Variants in SNX25 observed in about 807,000 individuals in gnomAD.
SNX25 encodes the protein sorting nexin-25.
SNX25 carries 62 observed loss-of-function variants against 113.7 expected under a neutral mutation model. The observed-to-expected ratio is 0.55, with a 90% CI of 0.44 to 0.67. The LOEUF is 0.67. Among genes scored for constraint, SNX25 ranks in the 30% least tolerant of loss-of-function variants. SNX25 has a pLI of 0.00. For missense variants in SNX25, 1,014 were observed against 1,161.0 expected, an observed-to-expected ratio of 0.87 and a Z score of 1.84; for synonymous variants, 421 against 436.2, an observed-to-expected ratio of 0.97 and a Z score of 0.43.
downstream of SNX25, among the ~76,000 whole-genome samples, chr4:185,371,519 GCA>G (rs1561076261): frequency 6.8e-6 from 1 of 147,252 alleles, no homozygotes; most frequent in Non-Finnish European, 1.5e-5. Context: ...TCCAGCCTGG[GCA>G]ACAGAGCGAG....
chr4:185,329,804 A>G (rs1347843452), intron 9 of SNX25, among the ~76,000 whole-genome samples: 1 of 152,106 alleles, frequency 6.6e-6, no homozygotes, highest in African/African-American at 2.4e-5. Flanking sequence ...TTAAGAACCC[A>G]CCTGTGAGTA....
chr4:185,239,333 A>G (rs1743201651), intron 1 of SNX25, among the ~76,000 whole-genome samples: 1 of 151,982 alleles, frequency 6.6e-6, no homozygotes, highest in South Asian at 2.1e-4. Flanking sequence ...AATGCAAAAA[A>G]TTAGCCGGGC....
chr4:185,365,004 G>T (rs2095381172), downstream of SNX25: 1 of 135,150 alleles, frequency 7.4e-6, no homozygotes, highest in African/African-American at 3.2e-5. Context: ...TAGAGAAGGA[G>T]TGTGTGTGTG....
At chr4:185,365,017 TA>T (rs2095381333), downstream of SNX25, 1 of 130,780 alleles carries the variant, frequency 7.6e-6, no homozygotes, top group Non-Finnish European at 1.6e-5. Context: ...TGTGTGTGTG[TA>T]TGTGTGTGTG....
chr4:185,299,696 T>C (rs1286395053), intron 6 of SNX25, among the ~76,000 whole-genome samples: 5 of 152,210 alleles, frequency 3.3e-5, no homozygotes, highest in African/African-American at 1.2e-4. Flanking sequence ...TAAAATAAGC[T>C]GGCCAAGTGT....
At position 185,249,755 on chromosome 4, in the gene SNX25, T is replaced by A. The variant is rs150891032; in HGVS notation, c.514+2377T>A. Among the ~76,000 whole-genome samples the A allele has an allele frequency of 3.3e-4, 50 of 152,322 alleles. No homozygotes were observed. The East Asian group carries it at 3.9e-3, about 12-fold the overall frequency. On this transcript the variant is annotated intron_variant, in intron 2 of 18. Coordinates refer to ENST00000652585, the MANE Select transcript of SNX25 (RefSeq NM_001378034.2). The stretch of plus-strand genomic sequence containing the variant: ...AAATTTTTATTGCACACTTTGTGCT[T>A]TTCATGTGTAGAATTTCCATTTGGT...
intron 9 of SNX25, among the ~76,000 whole-genome samples, chr4:185,331,674 G>A (rs965119208): frequency 6.6e-6 from 1 of 151,968 alleles, no homozygotes; most frequent in Non-Finnish European, 1.5e-5. Flanking sequence ...CCAGCTACTC[G>A]GGAGGCTGAG....
intron 1 of SNX25, among the ~76,000 whole-genome samples, chr4:185,216,313 G>A (rs1039255923): frequency 7.2e-5 from 11 of 152,006 alleles, no homozygotes; most frequent in Non-Finnish European, 1.6e-4. Flanking sequence ...ATATTGGTAT[G>A]TGAACAGTGA....
In SNX25 at chr4:185,362,610, G is replaced by T. The variant is rs984604028; in HGVS notation, c.2834-1G>T. 2 of 1,613,738 alleles carry T rather than the reference G, an allele frequency of 1.2e-6. No individual in the cohort carries two copies. Among genetic ancestry groups the T allele is most frequent in the Non-Finnish European group, 8.5e-7 (1 of 1,179,786 alleles). ...CATAGAATCTACACTTAATTTTTCAGATATGCTTCAGAGCCTTGTTGGACA... is the reference window on the plus strand; with the variant it reads ...CATAGAATCTACACTTAATTTTTCATATATGCTTCAGAGCCTTGTTGGACA... On this transcript the variant is annotated splice_acceptor_variant, in intron 17 of 18. Coordinates refer to ENST00000652585, the MANE Select transcript of SNX25 (RefSeq NM_001378034.2). LOFTEE classifies it high-confidence loss of function.
At chr4:185,340,758 A>C (rs1157946080) in intron 11 of SNX25, among the ~76,000 whole-genome samples, 2 of 152,156 alleles carry the variant, frequency 1.3e-5, no homozygotes, top group Admixed American at 1.3e-4. Flanking sequence ...GGAAGGAAGG[A>C]GTGGAAACCA....
At chr4:185,370,825 G>T (rs2095412288), downstream of SNX25, 1 of 1,613,608 alleles carries the variant, frequency 6.2e-7, no homozygotes, top group African/African-American at 1.3e-5. Flanking sequence ...CTGAGAGGAT[G>T]TAGAGTTGTG....
intron 12 of SNX25, among the ~76,000 whole-genome samples, chr4:185,344,016 C>T (rs913726080): frequency 1.3e-5 from 2 of 152,014 alleles, no homozygotes; most frequent in African/African-American, 4.8e-5. Context: ...GTCAGGAGTT[C>T]GAGACCAGCC....
chr4:185,252,181 A>G lies in SNX25; in HGVS notation c.514+4803A>G, dbSNP rs1309531429. On this transcript the variant is annotated intron_variant, in intron 2 of 18. Coordinates refer to ENST00000652585, the MANE Select transcript of SNX25 (RefSeq NM_001378034.2). Reference sequence around the variant, plus strand: ...CAATAACAACAACAAACAAAACTAGAATCACCTTCCAAGAAAAATTTGACC... The same window carrying G: ...CAATAACAACAACAAACAAAACTAGGATCACCTTCCAAGAAAAATTTGACC... Among the ~76,000 whole-genome samples, 3 of 152,180 alleles carry G rather than the reference A, an allele frequency of 2.0e-5. No homozygotes were observed. In the South Asian group the frequency reaches 6.2e-4, roughly 31 times the overall value.
chr4:185,374,420 T>C, downstream of SNX25: 1 of 1,614,116 alleles, frequency 6.2e-7, no homozygotes, highest in Non-Finnish European at 8.5e-7. Context: ...CTTTGGGACA[T>C]GGAGAATCAA....
At chr4:185,293,247 A>G (rs1752424415) in intron 6 of SNX25, among the ~76,000 whole-genome samples, 1 of 152,238 alleles carries the variant, frequency 6.6e-6, no homozygotes, top group Non-Finnish European at 1.5e-5. Flanking sequence ...AATTTTAAAC[A>G]TAGAATTACC....
At chr4:185,303,658 CA>C (rs34378168) in intron 6 of SNX25, among the ~76,000 whole-genome samples, 2,004 of 50,926 alleles carry the variant, frequency 0.039, 7 homozygotes, top group African/African-American at 0.052. Flanking sequence ...GACTCTGTCT[CA>C]AAAAAAAAAA....
downstream of SNX25, chr4:185,367,314 T>C: frequency 7.1e-7 from 1 of 1,409,720 alleles, no homozygotes; most frequent in Non-Finnish European, 9.8e-7. Flanking sequence ...TTTTTTTTTT[T>C]TTCTTTTTTG....
chr4:185,317,347 A>G (rs2095082605), intron 7 of SNX25, among the ~76,000 whole-genome samples: 1 of 152,250 alleles, frequency 6.6e-6, no homozygotes, highest in Non-Finnish European at 1.5e-5. Flanking sequence ...CTGTGGAGAA[A>G]TAGTAATGCT....
intron 1 of SNX25, among the ~76,000 whole-genome samples, chr4:185,211,418 C>T (rs941428376): frequency 6.6e-6 from 1 of 152,124 alleles, no homozygotes. Context: ...CTTAGCCATC[C>T]GTTTTTCATA....
Sources: allele counts gnomAD v4.1 joint callset (sites outside exome capture counted in the v4.1 genomes callset), GRCh38; gene constraint gnomAD v4.1.1; transcripts MANE v1.5; gene names NCBI Gene and HGNC (gene_info 2026-07-23, HGNC 2026-07-21).